THSD4: variants seen among roughly 807,000 people sequenced by gnomAD.
THSD4 encodes thrombospondin type 1 domain containing 4, also known as thrombospondin type-1 domain-containing protein 4.
Under a neutral mutation model 119.0 loss-of-function variants are expected in THSD4, and 69 were observed. The ratio of observed to expected loss-of-function variants is 0.58; its 90% CI spans 0.48 to 0.71. The LOEUF is 0.71. Ranked by LOEUF, THSD4 falls within the 30% of genes least tolerant of loss-of-function variation. The probability of loss-of-function intolerance (pLI) is 0.00; values close to 1 mark genes in which losing one functional copy is unlikely to be tolerated. For synonymous variants in THSD4, 524 were observed against 540.4 expected, an observed-to-expected ratio of 0.97 and a Z score of 0.42; for missense variants, 1,393 against 1,391.1, an observed-to-expected ratio of 1.00 and a Z score of -0.02.
intron 10 of THSD4, chr15:71,731,449 G>C: frequency 3.8e-6 from 2 of 523,710 alleles, no homozygotes; most frequent in Non-Finnish European, 6.9e-6. Context: ...GAGCATCCTG[G>C]GTCTGCCCTG....
intron 6 of THSD4, among the ~76,000 whole-genome samples, chr15:71,399,332 A>G (rs1216074867): frequency 1.3e-5 from 2 of 151,340 alleles, no homozygotes; most frequent in East Asian, 1.9e-4. Flanking sequence ...AACACTAGAC[A>G]TATAAAATTT....
chr15:71,318,560 G>A (rs375665619), intron 6 of THSD4, among the ~76,000 whole-genome samples: 1 of 152,152 alleles, frequency 6.6e-6, no homozygotes, highest in Non-Finnish European at 1.5e-5. Context: ...GGCACTCAGG[G>A]TTTGGCCACA....
At chr15:71,214,930 G>A (rs896520776) in intron 3 of THSD4, 105 bp from the exon 4 acceptor site, 43 of 1,203,338 alleles carry the variant, frequency 3.6e-5, no homozygotes, top group Non-Finnish European at 4.5e-5. Context: ...CTTTGAAACA[G>A]ACTGTGCCTA....
At chr15:71,676,576 A>G (rs1204657296) in intron 8 of THSD4, among the ~76,000 whole-genome samples, 2 of 152,150 alleles carry the variant, frequency 1.3e-5, no homozygotes, top group Non-Finnish European at 2.9e-5. Context: ...TACTGCGCCC[A>G]GCCTCAGAAT....
chr15:71,535,111 C>T (rs759714747), intron 7 of THSD4, among the ~76,000 whole-genome samples: 1 of 152,154 alleles, frequency 6.6e-6, no homozygotes, highest in Non-Finnish European at 1.5e-5. Flanking sequence ...TAATCCTATA[C>T]CCATTAGCAG....
At chr15:71,633,333 T>G (rs2050673416) in intron 7 of THSD4, among the ~76,000 whole-genome samples, 1 of 140,182 alleles carries the variant, frequency 7.1e-6, no homozygotes, top group East Asian at 2.0e-4. Flanking sequence ...TGAAGTGCAG[T>G]GGCGCAATCA....
At chr15:71,692,871 T>G in intron 8 of THSD4, among the ~76,000 whole-genome samples, 1 of 152,334 alleles carries the variant, frequency 6.6e-6, no homozygotes, top group Middle Eastern at 3.4e-3. Context: ...AAGCTAGCTT[T>G]TAAGTATTTA....
chr15:71,283,303 G>T (rs2044678552), intron 6 of THSD4, among the ~76,000 whole-genome samples: 1 of 152,112 alleles, frequency 6.6e-6, no homozygotes, highest in South Asian at 2.1e-4. Context: ...GTATACAGTT[G>T]CTTGGTCAAG....
chr15:71,498,024 T>G (rs1404206226), intron 7 of THSD4, among the ~76,000 whole-genome samples: 1 of 152,242 alleles, frequency 6.6e-6, no homozygotes, highest in East Asian at 1.9e-4. Context: ...ATTCTCATAA[T>G]GATTTAGGCG....
At chr15:71,233,865 G>C (rs979927544) in intron 4 of THSD4, among the ~76,000 whole-genome samples, 2 of 152,172 alleles carry the variant, frequency 1.3e-5, no homozygotes, top group Non-Finnish European at 2.9e-5. Flanking sequence ...ATCAATTCAG[G>C]GTTTATGTTC....
chr15:71,406,819 AC>A (rs2046616011), intron 6 of THSD4, among the ~76,000 whole-genome samples: 1 of 152,012 alleles, frequency 6.6e-6, no homozygotes, highest in African/African-American at 2.4e-5. Flanking sequence ...AGCTGGGATT[AC>A]AGGCACATGC....
At chr15:71,700,952 A>T (rs1334612509) in intron 8 of THSD4, among the ~76,000 whole-genome samples, 33 of 152,100 alleles carry the variant, frequency 2.2e-4, no homozygotes, top group Non-Finnish European at 5.9e-5. Context: ...AAATATTTTT[A>T]AATTTTGTGG....
intron 6 of THSD4, among the ~76,000 whole-genome samples, chr15:71,374,614 C>G (rs2046106228): frequency 6.6e-6 from 1 of 152,172 alleles, no homozygotes; most frequent in South Asian, 2.1e-4. Flanking sequence ...CCTCCAGCTT[C>G]TTCAGAGGCT....
At chr15:71,532,283 A>AGAGAGAGAGAGAGAGTGAGT (rs1379506089) in intron 7 of THSD4, among the ~76,000 whole-genome samples, 4 of 101,574 alleles carry the variant, frequency 3.9e-5, no homozygotes, top group African/African-American at 1.4e-4. Context: ...AGAGAGAGAG[A>AGAGAGAGAGAGAGAGTGAGT]GTGTGTGTGT....
At chr15:71,430,379 A>G (rs1430062221) in intron 7 of THSD4, among the ~76,000 whole-genome samples, 2 of 152,196 alleles carry the variant, frequency 1.3e-5, no homozygotes, top group African/African-American at 2.4e-5. Context: ...CATAAAGTAC[A>G]ATTAGAATAA....
intron 7 of THSD4, among the ~76,000 whole-genome samples, chr15:71,536,959 C>T (rs766997632): frequency 4.6e-5 from 7 of 152,226 alleles, no homozygotes; most frequent in African/African-American, 7.2e-5. Context: ...TATCAGCAGT[C>T]AATGGCATGG....
intron 7 of THSD4, among the ~76,000 whole-genome samples, chr15:71,651,903 C>T (rs4777428): frequency 0.37 from 56,346 of 152,038 alleles, 11,400 homozygotes; most frequent in East Asian, 0.9. Context: ...TGCAAACAGG[C>T]ACATTTGGCT....
intron 14 of THSD4, among the ~76,000 whole-genome samples, chr15:71,755,479 A>G (rs996327070): frequency 6.6e-6 from 1 of 152,122 alleles, no homozygotes; most frequent in Non-Finnish European, 1.5e-5. Context: ...CATTGACTCT[A>G]TTTTTAAGAA....
intron 7 of THSD4, among the ~76,000 whole-genome samples, chr15:71,586,765 C>T (rs1199846813): frequency 6.6e-6 from 1 of 152,178 alleles, no homozygotes; most frequent in African/African-American, 2.4e-5. Context: ...CCAGGGTATG[C>T]AGTACAGCAG....
Sources: gnomAD v4.1 joint callset for allele counts (sites outside exome capture counted in the v4.1 genomes callset) on GRCh38, gnomAD v4.1.1 for gene constraint, MANE v1.5 for transcripts, NCBI Gene and HGNC (gene_info 2026-07-23, HGNC 2026-07-21) for gene names.